ZNF366: variants seen among roughly 807,000 people sequenced by gnomAD.
The protein encoded by ZNF366 is dendritic cell-specific transcript protein.
A neutral mutation model predicts 47.2 loss-of-function variants in ZNF366; 20 were observed. The observed-to-expected ratio is 0.42, with a 90% confidence interval of 0.30 to 0.62. ZNF366 has a LOEUF of 0.62. Ranked by LOEUF, ZNF366 falls within the 20% of genes least tolerant of loss-of-function variation. The probability of loss-of-function intolerance (pLI) is 0.16; values close to 1 mark genes in which losing one functional copy is unlikely to be tolerated. For synonymous variants in ZNF366, 421 were observed against 395.1 expected, an observed-to-expected ratio of 1.07 and a Z score of -0.78; for missense variants, 987 against 976.3, an observed-to-expected ratio of 1.01 and a Z score of -0.15.
At chr5:72,498,124 C>T (rs867533156) in intron 1 of ZNF366, among the ~76,000 whole-genome samples, 20 of 151,176 alleles carry the variant, frequency 1.3e-4, no homozygotes, top group African/African-American at 2.7e-4. Flanking sequence ...TCCTACTCTG[C>T]GATTCGAAAA....
At chr5:72,454,682 C>T (rs1474181601) in intron 3 of ZNF366, among the ~76,000 whole-genome samples, 1 of 152,228 alleles carries the variant, frequency 6.6e-6, no homozygotes, top group Non-Finnish European at 1.5e-5. Flanking sequence ...TCAGTTAATG[C>T]TTGAAGCCCA....
In ZNF366 at chr5:72,443,785, C is replaced by T. The variant is rs750512108; in HGVS notation, c.2206G>A (p.Glu736Lys). Residue 736 changes from glutamate to lysine, a missense_variant, in exon 5 of 5, where the codon GAA becomes AAA. Around this residue, in one of 3 missense-constraint regions of ZNF366, gnomAD observed 285 missense variants for 234.8 expected, o/e 1.21. Coordinates refer to ENST00000318442, the MANE Select transcript of ZNF366 (RefSeq NM_152625.3). Reference sequence around the variant, plus strand: ...ATACCTAAAAGCACTGCTTGTTTTTCCATTTTCCTCTCCAGTAATTCTTTC... The same window carrying T: ...ATACCTAAAAGCACTGCTTGTTTTTTCATTTTCCTCTCCAGTAATTCTTTC... Reference protein sequence around the residue: ...SLKELLERKMEKQAVLLGI With the variant: ...SLKELLERKMKKQAVLLGI 33 of 1,613,094 alleles carry T rather than the reference C, an allele frequency of 2.0e-5. No individual in the cohort carries two copies. The highest frequency in any genetic ancestry group is 2.8e-5 in the Non-Finnish European group (33 of 1,179,688).
rs939840359 is a variant in ZNF366, at chr5:72,507,357, G to A, written c.-121C>T. The A allele has an allele frequency of 6.1e-6, 6 of 985,234 alleles. No homozygotes were observed. Among genetic ancestry groups the A allele is most frequent in the Non-Finnish European group, 7.2e-6 (6 of 830,002 alleles). The allele number at this position is 985,234 out of a possible 1,614,324, so 61.0% of individuals were successfully genotyped here. A position where few individuals can be genotyped will look rare whatever the true frequency, so the allele number is the denominator to read the frequency against. On this transcript the variant is annotated 5_prime_UTR_variant, in exon 1 of 5. Transcript: ENST00000318442. Reference sequence around the variant, plus strand: ...TCCCTCTTTCTCTTGTGTACAGATTGCAGGGAACTTAAAGAACTCGCAGGG... The same window carrying A: ...TCCCTCTTTCTCTTGTGTACAGATTACAGGGAACTTAAAGAACTCGCAGGG...
At chr5:72,458,601 G>A (rs1743239220) in intron 2 of ZNF366, among the ~76,000 whole-genome samples, 1 of 152,196 alleles carries the variant, frequency 6.6e-6, no homozygotes, top group South Asian at 2.1e-4. Context: ...AGGTGGAAAA[G>A]AGGAAGTGTT....
At chr5:72,448,320 A>T (rs183574780) in intron 3 of ZNF366, among the ~76,000 whole-genome samples, 1 of 152,188 alleles carries the variant, frequency 6.6e-6, no homozygotes, top group African/African-American at 2.4e-5. Context: ...TATTTCAATC[A>T]AAGTGCAAAT....
intron 1 of ZNF366, among the ~76,000 whole-genome samples, chr5:72,465,855 C>T (rs2112332811): frequency 6.6e-6 from 1 of 152,316 alleles, no homozygotes; most frequent in African/African-American, 2.4e-5. Context: ...GTGCTAGCAG[C>T]TGTGGGAGAG....
Position 72,443,685 on chromosome 5 carries a change from C to G in ZNF366, c.*71G>C. 2.0e-6 allele frequency: 3 copies of G among 1,477,480 alleles called. No individual in the cohort carries two copies. The highest frequency in any genetic ancestry group is 2.7e-6 in the Non-Finnish European group (3 of 1,095,150). The allele number at this position is 1,477,480 out of a possible 1,614,324, so 91.5% of individuals were successfully genotyped here. On this transcript the variant is annotated 3_prime_UTR_variant, in exon 5 of 5. Transcript: ENST00000318442. ...CTATTCGCCAGTCTCCAGAAAATGA[C>G]AGTTCATGCAGAAAGCTATATTTGA...
At chr5:72,444,328 A>G in intron 4 of ZNF366, 37 bp from the exon 5 acceptor site, 1 of 1,566,176 alleles carries the variant, frequency 6.4e-7, no homozygotes, top group Non-Finnish European at 8.6e-7. Context: ...CACCTGAGGA[A>G]ATGCTGTGGA....
At chr5:72,474,958 G>A (rs1743644121) in intron 1 of ZNF366, among the ~76,000 whole-genome samples, 1 of 152,160 alleles carries the variant, frequency 6.6e-6, no homozygotes, top group African/African-American at 2.4e-5. Context: ...TAGAAAGAAA[G>A]GAGGGGTAGC....
chr5:72,477,259 T>A (rs1228056102), intron 1 of ZNF366, among the ~76,000 whole-genome samples: 1 of 152,256 alleles, frequency 6.6e-6, no homozygotes, highest in Non-Finnish European at 1.5e-5. Context: ...TTTAACAAAA[T>A]GCCTCATTCA....
chr5:72,466,179 G>A (rs896737904), intron 1 of ZNF366, among the ~76,000 whole-genome samples: 8 of 152,300 alleles, frequency 5.3e-5, no homozygotes, highest in South Asian at 2.1e-4. Context: ...TCACAGCAGC[G>A]AAGGTGAACC....
At chr5:72,485,580 T>A (rs1279596833) in intron 1 of ZNF366, among the ~76,000 whole-genome samples, 1 of 152,218 alleles carries the variant, frequency 6.6e-6, no homozygotes, top group Non-Finnish European at 1.5e-5. Flanking sequence ...AGGATCATTG[T>A]AACAGCCTCC....
intron 1 of ZNF366, among the ~76,000 whole-genome samples, chr5:72,469,622 A>G (rs1197993795): frequency 6.6e-6 from 1 of 152,192 alleles, no homozygotes; most frequent in African/African-American, 2.4e-5. Context: ...TTGTGTGTGT[A>G]TAGTCTATTC....
intron 3 of ZNF366, among the ~76,000 whole-genome samples, chr5:72,451,418 T>A (rs12697710): frequency 0.82 from 124,302 of 152,254 alleles, 51,250 homozygotes; most frequent in East Asian, 0.96. Flanking sequence ...GTCAGAGTAG[T>A]GAGAGGAGGT....
chr5:72,504,086 C>T (rs748746283), intron 1 of ZNF366, among the ~76,000 whole-genome samples: 45 of 151,502 alleles, frequency 3.0e-4, no homozygotes, highest in African/African-American at 5.1e-4. Flanking sequence ...CACACATGCG[C>T]GCGCACACAC....
intron 1 of ZNF366, chr5:72,472,449 G>A: frequency 1.9e-6 from 1 of 536,530 alleles, no homozygotes; most frequent in Non-Finnish European, 2.4e-6. Context: ...GAGAGAAAAA[G>A]TTTCCCCTTT....
intron 1 of ZNF366, among the ~76,000 whole-genome samples, chr5:72,474,316 A>G (rs1743628101): frequency 1.3e-5 from 2 of 152,140 alleles, no homozygotes; most frequent in South Asian, 4.1e-4. Context: ...AGCCATCCTG[A>G]AAGTCTCCTT....
At chr5:72,444,910 T>C (rs890034997) in intron 4 of ZNF366, among the ~76,000 whole-genome samples, 1 of 152,240 alleles carries the variant, frequency 6.6e-6, no homozygotes, top group African/African-American at 2.4e-5. Context: ...TTTTCACTTT[T>C]AATGTATTAT....
At chr5:72,450,281 T>TG (rs1743040537) in intron 3 of ZNF366, among the ~76,000 whole-genome samples, 1 of 152,192 alleles carries the variant, frequency 6.6e-6, no homozygotes, top group South Asian at 2.1e-4. Context: ...TCTGGGACCT[T>TG]GGGGTACTGT....
Sources: gnomAD v4.1 joint callset for allele counts (sites outside exome capture counted in the v4.1 genomes callset) on GRCh38, gnomAD v4.1.1 for gene constraint, gnomAD v4.1.1 regional missense constraint, MANE v1.5 for transcripts, NCBI Gene and HGNC (gene_info 2026-07-23, HGNC 2026-07-21) for gene names.